The following MRPL48 variants were observed in gnomAD, a reference collection of about 807,000 sequenced individuals.
MRPL48 encodes the protein large ribosomal subunit protein mL48.
Under a neutral mutation model 32.9 loss-of-function variants are expected in MRPL48, and 16 were observed. The ratio of observed to expected loss-of-function variants is 0.49; its 90% CI spans 0.33 to 0.74. MRPL48 has a LOEUF of 0.74. Among genes scored for constraint, MRPL48 ranks in the 30% least tolerant of loss-of-function variants. The pLI, the probability that MRPL48 is intolerant of heterozygous loss-of-function variation, is 0.02. For synonymous variants in MRPL48, 94 were observed against 89.2 expected (o/e 1.05, Z -0.31); for missense variants, 206 against 245.3 (o/e 0.84, Z 1.07).
At chr11:73,826,327 A>G (rs1947889043) in intron 4 of MRPL48, among the ~76,000 whole-genome samples, 2 of 151,790 alleles carry the variant, frequency 1.3e-5, no homozygotes, top group African/African-American at 4.8e-5. Context: ...GCCTGATTTT[A>G]TTATTTGTAA....
At chr11:73,790,674 G>A (rs1976914) in intron 1 of MRPL48, among the ~76,000 whole-genome samples, 6,426 of 151,384 alleles carry the variant, frequency 0.042, 185 homozygotes, top group Middle Eastern at 0.089. Flanking sequence ...TTGAGCAACC[G>A]TGCCTGGCCG....
At chr11:73,847,466 A>C (rs1253163158) in intron 5 of MRPL48, among the ~76,000 whole-genome samples, 1 of 145,108 alleles carries the variant, frequency 6.9e-6, no homozygotes, top group African/African-American at 2.6e-5. Flanking sequence ...TTTGAGACGG[A>C]GTCTTGCTCT....
chr11:73,796,665 C>A (rs978276705), intron 1 of MRPL48, among the ~76,000 whole-genome samples: 10 of 152,234 alleles, frequency 6.6e-5, no homozygotes, highest in Admixed American at 1.3e-4. Flanking sequence ...TGGGGCTAGG[C>A]TGCCAGTCCC....
intron 2 of MRPL48, among the ~76,000 whole-genome samples, chr11:73,806,726 C>G (rs1021324951): frequency 4.6e-5 from 7 of 151,914 alleles, no homozygotes; most frequent in African/African-American, 1.5e-4. Flanking sequence ...GATATTATCT[C>G]AATTTTATAT....
intron 1 of MRPL48, among the ~76,000 whole-genome samples, chr11:73,791,443 G>A (rs1181068274): frequency 6.6e-6 from 1 of 151,854 alleles, no homozygotes; most frequent in Admixed American, 6.6e-5. Flanking sequence ...TTGAGACAGG[G>A]TCTCACTCTG....
chr11:73,788,777 TAAC>T lies in MRPL48; in HGVS notation c.21+790_21+792del, dbSNP rs557383057. On this transcript the variant is annotated intron_variant, in intron 1 of 7. Coordinates refer to ENST00000310614, the MANE Select transcript of MRPL48 (RefSeq NM_016055.6). Reference sequence around the variant, plus strand: ...ATGAGCCACCGCGCCCTGCAATAATTAACAACATTTTCGTTTCCAAAACCTTAT... The same window carrying T: ...ATGAGCCACCGCGCCCTGCAATAATTAACATTTTCGTTTCCAAAACCTTAT... Among the ~76,000 whole-genome samples, 166 of 152,242 alleles carry T rather than the reference TAAC, an allele frequency of 1.1e-3. 1 individual carries two copies. The East Asian group carries it at 0.011, about 10-fold the overall frequency.
intron 2 of MRPL48, among the ~76,000 whole-genome samples, chr11:73,806,689 C>A (rs1344383344): frequency 6.6e-6 from 1 of 151,962 alleles, no homozygotes; most frequent in East Asian, 1.9e-4. Context: ...AATGAATTGA[C>A]CTTCATAGTG....
At chr11:73,828,396 T>G (rs71479554) in intron 4 of MRPL48, among the ~76,000 whole-genome samples, 8,326 of 152,120 alleles carry the variant, frequency 0.055, 252 homozygotes, top group Middle Eastern at 0.11. Flanking sequence ...AGCTAGTTTT[T>G]GTATTTTTTT....
intron 4 of MRPL48, among the ~76,000 whole-genome samples, chr11:73,829,716 C>G (rs1407811991): frequency 1.3e-5 from 2 of 152,192 alleles, no homozygotes; most frequent in Admixed American, 6.5e-5. Context: ...TGTGCTTCCT[C>G]TGTCCTAGGA....
chr11:73,833,331 T>G (rs187202220), intron 4 of MRPL48, among the ~76,000 whole-genome samples: 31 of 151,418 alleles, frequency 2.0e-4, no homozygotes, highest in African/African-American at 7.5e-4. Flanking sequence ...CCATTAGAGC[T>G]CCTGGTCTGC....
intron 1 of MRPL48, among the ~76,000 whole-genome samples, chr11:73,799,654 G>A (rs898578335): frequency 7.9e-5 from 12 of 152,006 alleles, no homozygotes; most frequent in African/African-American, 2.9e-4. Flanking sequence ...GGGGGATGAG[G>A]GATGAGAAAT....
chr11:73,821,661 T>C (rs1343977544), intron 3 of MRPL48, among the ~76,000 whole-genome samples: 1 of 152,200 alleles, frequency 6.6e-6, no homozygotes, highest in African/African-American at 2.4e-5. Flanking sequence ...ACAGTGCTTA[T>C]CATAGACAGC....
At chr11:73,835,834 G>T (rs1207154403) in intron 4 of MRPL48, among the ~76,000 whole-genome samples, 2 of 152,076 alleles carry the variant, frequency 1.3e-5, no homozygotes, top group Non-Finnish European at 2.9e-5. Flanking sequence ...GGAGGTGAAG[G>T]TTGCAGTGAG....
At chr11:73,851,940 C>T (rs1310459633) in intron 5 of MRPL48, among the ~76,000 whole-genome samples, 1 of 143,514 alleles carries the variant, frequency 7.0e-6, no homozygotes, top group Non-Finnish European at 1.5e-5. Context: ...CACACACACA[C>T]ACAGTGAATG....
intron 5 of MRPL48, among the ~76,000 whole-genome samples, chr11:73,855,521 T>A (rs1948469392): frequency 1.3e-5 from 2 of 152,196 alleles, no homozygotes; most frequent in African/African-American, 4.8e-5. Flanking sequence ...GGAGTCTCAC[T>A]CCGTTGCCCA....
At position 73,810,093 on chromosome 11, in the gene MRPL48, A is replaced by G. The variant is rs544362206; in HGVS notation, c.112+1743A>G. On this transcript the variant is annotated intron_variant, in intron 3 of 7. Coordinates refer to ENST00000310614, the MANE Select transcript of MRPL48 (RefSeq NM_016055.6). Reference sequence around the variant, plus strand: ...AGTTTTAGAAGCTTATTTTTTCCCTAGGAATAATACAATGAACATTTCTTT... The same window carrying G: ...AGTTTTAGAAGCTTATTTTTTCCCTGGGAATAATACAATGAACATTTCTTT... Among the ~76,000 whole-genome samples the G allele has an allele frequency of 2.6e-5, 4 of 152,322 alleles. No homozygotes were observed. In the East Asian group the frequency reaches 5.8e-4, roughly 22 times the overall value.
At chr11:73,825,416 G>A (rs931107920) in intron 3 of MRPL48, among the ~76,000 whole-genome samples, 3 of 151,782 alleles carry the variant, frequency 2.0e-5, no homozygotes, top group Non-Finnish European at 4.4e-5. Flanking sequence ...GCTGAGGTGG[G>A]AGGAGCTGCA....
intron 5 of MRPL48, among the ~76,000 whole-genome samples, chr11:73,846,972 T>C (rs1338695081): frequency 2.0e-5 from 3 of 151,062 alleles, no homozygotes; most frequent in Non-Finnish European, 4.4e-5. Context: ...TTTCTTTTTT[T>C]CTTTTTTTTT....
At chr11:73,788,477 T>C (rs967684590) in intron 1 of MRPL48, among the ~76,000 whole-genome samples, 15 of 145,350 alleles carry the variant, frequency 1.0e-4, no homozygotes, top group East Asian at 3.9e-4. Flanking sequence ...TCTTTCTTTT[T>C]TTTTTTTTTT....
Sources: gnomAD v4.1 joint callset for allele counts (sites outside exome capture counted in the v4.1 genomes callset) on GRCh38, gnomAD v4.1.1 for gene constraint, MANE v1.5 for transcripts, NCBI Gene and HGNC (gene_info 2026-07-23, HGNC 2026-07-21) for gene names.